The following CNTNAP5 variants were observed in gnomAD, a reference collection of about 807,000 sequenced individuals.
CNTNAP5 encodes contactin associated protein family member 5.
In CNTNAP5, 72 loss-of-function variants were observed where a neutral mutation model predicts 150.2. The observed-to-expected ratio is 0.48, with a 90% CI of 0.40 to 0.58. CNTNAP5 has a LOEUF of 0.58. Ranked by LOEUF, CNTNAP5 falls within the 20% of genes least tolerant of loss-of-function variation. The probability of loss-of-function intolerance (pLI) is 0.00; values close to 1 mark genes in which losing one functional copy is unlikely to be tolerated. For missense variants in CNTNAP5, 1,636 were observed against 1,626.2 expected (o/e 1.01, Z -0.10); for synonymous variants, 672 against 619.8 (o/e 1.08, Z -1.25).
chr2:124,626,260 G>A (rs72974511), intron 12 of CNTNAP5, among the ~76,000 whole-genome samples: 1,822 of 152,146 alleles, frequency 0.012, 30 homozygotes, highest in African/African-American at 0.041. Flanking sequence ...TGCTATAAAA[G>A]TTATACCTGG....
intron 3 of CNTNAP5, among the ~76,000 whole-genome samples, chr2:124,299,750 C>T (rs920023945): frequency 2.6e-5 from 4 of 152,152 alleles, no homozygotes; most frequent in African/African-American, 9.7e-5. Context: ...CTTCCAAACT[C>T]TCAATGTTGA....
intron 2 of CNTNAP5, among the ~76,000 whole-genome samples, chr2:124,223,248 A>G (rs1686371757): frequency 6.6e-6 from 1 of 152,134 alleles, no homozygotes; most frequent in Admixed American, 6.6e-5. Context: ...TCGCTTCACT[A>G]GTACAGATTG....
chr2:124,057,182 GCACCCTCACTGTGTAACAC>G (rs1471896558), intron 1 of CNTNAP5, among the ~76,000 whole-genome samples: 7 of 151,888 alleles, frequency 4.6e-5, no homozygotes, highest in Non-Finnish European at 7.4e-5. Flanking sequence ...ATTTTCCTGT[GCACCCTCACTGTGTAACAC>G]CACCATTTTC....
chr2:124,716,768 G>A (rs1378229008), intron 13 of CNTNAP5, among the ~76,000 whole-genome samples: 1 of 152,068 alleles, frequency 6.6e-6, no homozygotes, highest in Non-Finnish European at 1.5e-5. Flanking sequence ...TTGATTAGGT[G>A]ATAGATTTTT....
At chr2:124,605,997 C>T (rs1697099048) in intron 11 of CNTNAP5, among the ~76,000 whole-genome samples, 1 of 151,844 alleles carries the variant, frequency 6.6e-6, no homozygotes. Context: ...CATAGTTATC[C>T]TCTTATGTTA....
At chr2:124,648,966 A>G (rs1678263191) in intron 13 of CNTNAP5, among the ~76,000 whole-genome samples, 2 of 152,236 alleles carry the variant, frequency 1.3e-5, no homozygotes, top group South Asian at 2.1e-4. Flanking sequence ...ACTAAATTCA[A>G]CAGAATGCCT....
chr2:124,704,780 A>G (rs1679599008), intron 13 of CNTNAP5, among the ~76,000 whole-genome samples: 1 of 150,772 alleles, frequency 6.6e-6, no homozygotes. Context: ...CTACCACCTC[A>G]CCTCCCCCTA....
chr2:124,901,702 A>G (rs141213821), intron 21 of CNTNAP5, among the ~76,000 whole-genome samples: 511 of 152,278 alleles, frequency 3.4e-3, no homozygotes, highest in Non-Finnish European at 5.1e-3. Context: ...GTTTGTGGCA[A>G]TTTGTCACAC....
At chr2:124,437,245 C>T (rs940936240) in intron 5 of CNTNAP5, among the ~76,000 whole-genome samples, 1 of 152,218 alleles carries the variant, frequency 6.6e-6, no homozygotes, top group East Asian at 1.9e-4. Flanking sequence ...TCCTGTTGGG[C>T]TTGTTCACCT....
At chr2:124,867,120 C>T (rs994889432) in intron 20 of CNTNAP5, among the ~76,000 whole-genome samples, 1 of 152,092 alleles carries the variant, frequency 6.6e-6, no homozygotes, top group African/African-American at 2.4e-5. Flanking sequence ...CTTCCTCCCT[C>T]CCTTTCATCA....
At chr2:124,303,950 G>A (rs1206932923) in intron 3 of CNTNAP5, among the ~76,000 whole-genome samples, 1 of 152,146 alleles carries the variant, frequency 6.6e-6, no homozygotes, top group Non-Finnish European at 1.5e-5. Flanking sequence ...AGGATCACTT[G>A]AGCCCAGGAG....
intron 17 of CNTNAP5, among the ~76,000 whole-genome samples, chr2:124,782,734 G>A (rs541426198): frequency 9.2e-5 from 14 of 152,158 alleles, no homozygotes; most frequent in South Asian, 8.3e-4. Context: ...AGTATAAATC[G>A]AAACAGTTAA....
At chr2:124,687,362 G>T (rs77606317) in intron 13 of CNTNAP5, among the ~76,000 whole-genome samples, 4 of 151,920 alleles carry the variant, frequency 2.6e-5, no homozygotes, top group African/African-American at 7.3e-5. Context: ...ATGACTGTGG[G>T]TGGTGTTAAC....
At chr2:124,732,039 T>C (rs1267676840) in intron 13 of CNTNAP5, among the ~76,000 whole-genome samples, 2 of 152,154 alleles carry the variant, frequency 1.3e-5, no homozygotes, top group African/African-American at 4.8e-5. Flanking sequence ...TTCATCTTAG[T>C]ATATTTTACT....
chr2:124,042,921 T>C (rs1681421851), intron 1 of CNTNAP5, among the ~76,000 whole-genome samples: 2 of 152,180 alleles, frequency 1.3e-5, no homozygotes, highest in South Asian at 2.1e-4. Flanking sequence ...GGAAAGGCCA[T>C]GAACCAATCT....
At position 124,919,517 on chromosome 2, in the gene CNTNAP5, C is replaced by T. The variant is rs1016402721; in HGVS notation, c.*5229C>T. ...GAACTTGACGAGGAGGAAGAGGGGC[C>T]AGTGGCAGTAATTGGTGGCCATCTG... On this transcript the variant is annotated 3_prime_UTR_variant, in exon 24 of 24. Coordinates refer to ENST00000682447, the MANE Select transcript of CNTNAP5 (RefSeq NM_001367498.1). Among the ~76,000 whole-genome samples the T allele has an allele frequency of 4.6e-5, 7 of 151,996 alleles. No individual in the cohort carries two copies. Among genetic ancestry groups the T allele is most frequent in the African/African-American group, 1.7e-4 (7 of 41,398 alleles).
chr2:124,657,384 G>A (rs1043634597), intron 13 of CNTNAP5, among the ~76,000 whole-genome samples: 14 of 151,816 alleles, frequency 9.2e-5, no homozygotes, highest in Admixed American at 8.5e-4. Flanking sequence ...CAAAACCTAC[G>A]ATTCCTTCCT....
chr2:124,458,395 A>T (rs910095774), intron 6 of CNTNAP5, among the ~76,000 whole-genome samples: 2 of 151,186 alleles, frequency 1.3e-5, no homozygotes, highest in African/African-American at 4.9e-5. Flanking sequence ...GGAAACTATT[A>T]TTCTAAGTGA....
intron 3 of CNTNAP5, among the ~76,000 whole-genome samples, chr2:124,264,501 G>A (rs757687387): frequency 2.6e-5 from 4 of 151,838 alleles, no homozygotes; most frequent in Non-Finnish European, 5.9e-5. Flanking sequence ...ATCCTTTTGA[G>A]GCAACATAAA....
Sources: gnomAD v4.1 joint callset for allele counts (sites outside exome capture counted in the v4.1 genomes callset) on GRCh38, gnomAD v4.1.1 for gene constraint, MANE v1.5 for transcripts, NCBI Gene and HGNC (gene_info 2026-07-23, HGNC 2026-07-21) for gene names.